Variants in HSPA12A observed in about 807,000 individuals in gnomAD.
The protein encoded by HSPA12A is heat shock 70 kDa protein 12A.
Under a neutral mutation model 69.2 loss-of-function variants are expected in HSPA12A, and 28 were observed. The ratio of observed to expected loss-of-function variants is 0.40; its 90% CI spans 0.30 to 0.55. HSPA12A has a LOEUF of 0.55. HSPA12A is among the 20% of genes least tolerant of loss of function. HSPA12A has a pLI of 0.38. For synonymous variants in HSPA12A, 345 were observed against 370.5 expected (o/e 0.93, Z 0.79); for missense variants, 686 against 900.7 (o/e 0.76, Z 3.05).
intron 2 of HSPA12A, among the ~76,000 whole-genome samples, chr10:116,750,842 G>A (rs1554888268): frequency 6.6e-6 from 1 of 152,112 alleles, no homozygotes; most frequent in Non-Finnish European, 1.5e-5. Context: ...GCATGGTGGT[G>A]TGTGCCTGTC....
Position 116,786,599 on chromosome 10 carries a change from C to T in HSPA12A, c.91+48336G>A, listed in dbSNP as rs1692158310. On this transcript the variant is annotated intron_variant, in intron 2 of 12. Transcript: ENST00000635765. ...ATATTTTTCTCATCTGTCTCAGTGG[C>T]GTTCATCTGTAGCTGCCTATTAGAA... is the stretch of plus-strand genomic sequence containing the variant. 1.3e-5 allele frequency among the ~76,000 whole-genome samples: 2 copies of T among 151,996 alleles called. 1 individual carries two copies. The highest frequency in any genetic ancestry group is 1.3e-4 in the Admixed American group (2 of 15,260).
chr10:116,840,665 C>T (rs1845788920), intron 1 of HSPA12A, among the ~76,000 whole-genome samples: 1 of 152,178 alleles, frequency 6.6e-6, no homozygotes, highest in Non-Finnish European at 1.5e-5. Context: ...GGGAACTCTG[C>T]TTTTAACATG....
At position 116,813,500 on chromosome 10, in the gene HSPA12A, G is replaced by A. The variant is rs553269832; in HGVS notation, c.91+21435C>T. Among the ~76,000 whole-genome samples, 5 of 152,024 alleles carry A rather than the reference G, an allele frequency of 3.3e-5. No homozygotes were observed. In the South Asian group the frequency reaches 8.3e-4, roughly 25 times the overall value. On this transcript the variant is annotated intron_variant, in intron 2 of 12. Transcript: ENST00000635765. The stretch of plus-strand genomic sequence containing the variant: ...CTGACCTCGTGATCCACCCGCCTCA[G>A]CCTCCCAAAGTGCTGGGATTACAGG...
intron 2 of HSPA12A, chr10:116,827,709 T>A (rs1454112332): frequency 6.6e-6 from 1 of 152,286 alleles, no homozygotes; most frequent in African/African-American, 2.4e-5. Context: ...TGACAAGACG[T>A]CATGAAGTGC....
intron 2 of HSPA12A, among the ~76,000 whole-genome samples, chr10:116,811,688 A>G (rs893156328): frequency 2.6e-5 from 4 of 151,866 alleles, no homozygotes; most frequent in Non-Finnish European, 5.9e-5. Flanking sequence ...GTGAGACGGC[A>G]TGGTGAAGAA....
chr10:116,698,533 T>G, intron 5 of HSPA12A, 102 bp downstream of exon 5: 1 of 804,924 alleles, frequency 1.2e-6, no homozygotes, highest in Non-Finnish European at 2.1e-6. Context: ...CTCCAGGCTG[T>G]GCCTCCTACC....
At chr10:116,785,517 G>A (rs546793487) in intron 2 of HSPA12A, among the ~76,000 whole-genome samples, 2 of 151,872 alleles carry the variant, frequency 1.3e-5, no homozygotes, top group Admixed American at 6.6e-5. Flanking sequence ...CCAGATCCCC[G>A]CCTGCCTCCC....
chr10:116,821,761 A>C (rs1845412254), intron 2 of HSPA12A, among the ~76,000 whole-genome samples: 1 of 152,160 alleles, frequency 6.6e-6, no homozygotes, highest in African/African-American at 2.4e-5. Context: ...GACCTCAGGG[A>C]GTGGCACGGC....
chr10:116,842,283 A>T (rs1056439443), intron 1 of HSPA12A, among the ~76,000 whole-genome samples: 26 of 152,234 alleles, frequency 1.7e-4, no homozygotes, highest in African/African-American at 5.8e-4. Flanking sequence ...CAGAGAAAAC[A>T]TTTTTTTGCC....
At chr10:116,742,137 G>T (rs1204070357) in intron 1 of HSPA12A, among the ~76,000 whole-genome samples, 1 of 151,924 alleles carries the variant, frequency 6.6e-6, no homozygotes, top group African/African-American at 2.4e-5. Flanking sequence ...CGCAGGAGGC[G>T]CCACCCGAGG....
At chr10:116,692,697 G>A (rs1275068099) in intron 5 of HSPA12A, among the ~76,000 whole-genome samples, 4 of 152,264 alleles carry the variant, frequency 2.6e-5, no homozygotes, top group East Asian at 1.9e-4. Context: ...CTGGAGAAAG[G>A]AGGATCAGAG....
intron 1 of HSPA12A, among the ~76,000 whole-genome samples, chr10:116,713,504 T>C (rs1280611305): frequency 1.3e-5 from 2 of 152,146 alleles, no homozygotes; most frequent in Non-Finnish European, 2.9e-5. Context: ...ATCAGGCCCA[T>C]CCTGACACGG....
intron 2 of HSPA12A, among the ~76,000 whole-genome samples, chr10:116,780,517 A>G (rs1221162899): frequency 6.9e-5 from 9 of 130,888 alleles, no homozygotes; most frequent in Non-Finnish European, 1.1e-4. Flanking sequence ...ACACCCAGCT[A>G]ATTTTTTGAT....
At chr10:116,752,646 G>A (rs1851799319) in intron 2 of HSPA12A, among the ~76,000 whole-genome samples, 1 of 152,196 alleles carries the variant, frequency 6.6e-6, no homozygotes, top group Non-Finnish European at 1.5e-5. Context: ...GGGAGCAAAA[G>A]AGCAGGGTGC....
At chr10:116,776,451 G>A (rs940414934) in intron 2 of HSPA12A, among the ~76,000 whole-genome samples, 1 of 152,164 alleles carries the variant, frequency 6.6e-6, no homozygotes, top group South Asian at 2.1e-4. Context: ...AAAACTCTAC[G>A]CTCAAAATCA....
chr10:116,710,041 T>G lies in HSPA12A; in HGVS notation c.41-2756A>C, dbSNP rs1850376665. 6.6e-6 allele frequency among the ~76,000 whole-genome samples: 1 copy of G among 152,186 alleles called. No individual in the cohort carries two copies. The highest frequency in any genetic ancestry group is 1.5e-5 in the Non-Finnish European group (1 of 68,038). The stretch of plus-strand genomic sequence containing the variant: ...CAGTTCCTAGACCAGCCTGCTGATC[T>G]CCACCATCTTTGCTAATCTCCCAGC... On this transcript the variant is annotated intron_variant, in intron 1 of 11. Transcript: ENST00000369209. This position sits in a 1 kb window ranked among gnomAD's most constrained non-coding sequence, Gnocchi z 4.1.
Position 116,685,518 on chromosome 10 carries a change from C to T in HSPA12A, c.664-1556G>A, listed in dbSNP as rs373404103. On this transcript the variant is annotated intron_variant, in intron 6 of 11. Coordinates refer to ENST00000369209, the MANE Select transcript of HSPA12A (RefSeq NM_025015.3). ...CATGGTGGGGGCAGTGCCTGTAATC[C>T]CAGCTACTCGGGAGGCTGAGGCAGG... Among the ~76,000 whole-genome samples, 5 of 151,722 alleles carry T rather than the reference C, an allele frequency of 3.3e-5. No individual in the cohort carries two copies. The East Asian group carries it at 5.8e-4, about 18-fold the overall frequency.
chr10:116,776,321 C>A (rs1478171147), intron 2 of HSPA12A, among the ~76,000 whole-genome samples: 1 of 152,206 alleles, frequency 6.6e-6, no homozygotes, highest in South Asian at 2.1e-4. Flanking sequence ...CTTCCTCCCG[C>A]TGGTCTCACC....
intron 2 of HSPA12A, among the ~76,000 whole-genome samples, chr10:116,800,722 C>T (rs1844938566): frequency 6.6e-6 from 1 of 152,188 alleles, no homozygotes; most frequent in South Asian, 2.1e-4. Context: ...TCCAGGGTAG[C>T]CTGAGCCCAG....
Sources: allele counts gnomAD v4.1 joint callset (sites outside exome capture counted in the v4.1 genomes callset), GRCh38; gene constraint gnomAD v4.1.1; non-coding constraint Gnocchi (gnomAD v3.1); transcripts MANE v1.5; gene names NCBI Gene and HGNC (gene_info 2026-07-23, HGNC 2026-07-21).